NPAS3: variants seen among roughly 807,000 people sequenced by gnomAD.
NPAS3 encodes the protein neuronal PAS domain protein 3, also known as neuronal PAS domain-containing protein 3.
In NPAS3, 14 loss-of-function variants were observed where a neutral mutation model predicts 73.1. The ratio of observed to expected loss-of-function variants is 0.19; its 90% CI spans 0.13 to 0.30. NPAS3 has a LOEUF of 0.30. Ranked by LOEUF, NPAS3 falls within the 10% of genes least tolerant of loss-of-function variation. The pLI, the probability that NPAS3 is intolerant of heterozygous loss-of-function variation, is 1.00. For synonymous variants in NPAS3, 620 were observed against 541.5 expected (o/e 1.14, Z -2.01); for missense variants, 1,096 against 1,250.0 (o/e 0.88, Z 1.86).
At chr14:33,651,512 C>T (rs141168743) in intron 5 of NPAS3, among the ~76,000 whole-genome samples, 202 of 152,150 alleles carry the variant, frequency 1.3e-3, no homozygotes, top group African/African-American at 4.6e-3. Context: ...ACCATCTCAA[C>T]TGATATAAGA....
At chr14:33,124,105 C>T (rs765120450) in intron 2 of NPAS3, among the ~76,000 whole-genome samples, 4 of 151,974 alleles carry the variant, frequency 2.6e-5, no homozygotes, top group East Asian at 1.9e-4. Context: ...CCATCTGCCT[C>T]GGCCTACCAA....
At chr14:33,780,136 T>A (rs957656093) in intron 9 of NPAS3, among the ~76,000 whole-genome samples, 3 of 152,188 alleles carry the variant, frequency 2.0e-5, no homozygotes, top group African/African-American at 7.2e-5. Flanking sequence ...ATACCACGTC[T>A]CTGGAAAGAG....
In NPAS3 at chr14:33,171,284, G is replaced by C. The variant is rs528519758; in HGVS notation, c.141-43898G>C. Among the ~76,000 whole-genome samples, 4 of 152,310 alleles carry C rather than the reference G, an allele frequency of 2.6e-5. No individual in the cohort carries two copies. In the South Asian group the frequency reaches 8.3e-4, roughly 32 times the overall value. ...GGTGTAAACATTGTACCATCATCCA[G>C]CCTTCGTCGTTCCATTCCTTGAGCA... On this transcript the variant is annotated intron_variant, in intron 2 of 11. Coordinates refer to ENST00000356141, the Ensembl canonical transcript of NPAS3.
At chr14:33,011,782 C>A (rs1483025246) in intron 1 of NPAS3, among the ~76,000 whole-genome samples, 1 of 151,892 alleles carries the variant, frequency 6.6e-6, no homozygotes, top group Non-Finnish European at 1.5e-5. Flanking sequence ...CTTTTAGTGC[C>A]TTTTTCTCCA....
chr14:33,450,300 T>C (rs1422638566), intron 4 of NPAS3, among the ~76,000 whole-genome samples: 1 of 152,236 alleles, frequency 6.6e-6, no homozygotes, highest in African/African-American at 2.4e-5. Flanking sequence ...TGCTGATGCA[T>C]CTGCAGTCAT....
intron 7 of NPAS3, among the ~76,000 whole-genome samples, chr14:33,761,091 C>A (rs891799194): frequency 6.6e-6 from 1 of 152,200 alleles, no homozygotes; most frequent in Admixed American, 6.5e-5. Flanking sequence ...ACTTTATTTT[C>A]TCCTCCCATA....
intron 4 of NPAS3, among the ~76,000 whole-genome samples, chr14:33,509,137 AT>A (rs2052917946): frequency 6.6e-6 from 1 of 151,786 alleles, no homozygotes; most frequent in South Asian, 2.1e-4. Context: ...TATTATTAGC[AT>A]TATGATTTCT....
At chr14:32,991,392 A>G (rs2038328272) in intron 1 of NPAS3, among the ~76,000 whole-genome samples, 1 of 152,128 alleles carries the variant, frequency 6.6e-6, no homozygotes, top group African/African-American at 2.4e-5. Flanking sequence ...AAAACGCAGC[A>G]TTGATGTCTT....
At chr14:33,757,276 T>C (rs929078599) in intron 7 of NPAS3, among the ~76,000 whole-genome samples, 2 of 152,164 alleles carry the variant, frequency 1.3e-5, no homozygotes, top group African/African-American at 2.4e-5. Flanking sequence ...AATATCTACA[T>C]AGTGCTACAC....
intron 6 of NPAS3, among the ~76,000 whole-genome samples, chr14:33,697,482 G>A (rs757476599): frequency 5.9e-5 from 9 of 152,142 alleles, no homozygotes; most frequent in Non-Finnish European, 1.0e-4. Flanking sequence ...TATGAGGGCC[G>A]GGGAAAAGTT....
In NPAS3 at chr14:33,773,188, T is replaced by C. The variant is rs1224963730; in HGVS notation, c.853-1149T>C. On this transcript the variant is annotated intron_variant, in intron 7 of 11. Transcript: ENST00000356141. ...GGGAGGCACGAGACCTACTTCCCACTCCAGTTCCTTATAGCAAAGGAGGAA... is the reference window on the plus strand; with the variant it reads ...GGGAGGCACGAGACCTACTTCCCACCCCAGTTCCTTATAGCAAAGGAGGAA... Among the ~76,000 whole-genome samples the C allele has an allele frequency of 7.2e-5, 11 of 152,184 alleles. No individual in the cohort carries two copies. In the East Asian group the frequency reaches 1.9e-3, roughly 27 times the overall value.
chr14:33,535,059 A>G (rs2054202020), intron 4 of NPAS3, among the ~76,000 whole-genome samples: 1 of 152,248 alleles, frequency 6.6e-6, no homozygotes, highest in African/African-American at 2.4e-5. Context: ...ACTAAAAGTC[A>G]AAGCAAAATG....
intron 1 of NPAS3, among the ~76,000 whole-genome samples, chr14:33,048,222 G>A (rs1298162176): frequency 6.6e-6 from 1 of 152,108 alleles, no homozygotes; most frequent in Non-Finnish European, 1.5e-5. Context: ...AAGGTGGTCA[G>A]GTATTACAGA....
intron 6 of NPAS3, among the ~76,000 whole-genome samples, chr14:33,683,998 A>C (rs2060014612): frequency 6.6e-6 from 1 of 152,110 alleles, no homozygotes; most frequent in Non-Finnish European, 1.5e-5. Flanking sequence ...AAGTGATGGA[A>C]ATTCTAAGTG....
intron 2 of NPAS3, among the ~76,000 whole-genome samples, chr14:33,155,287 C>G (rs894266852): frequency 4.3e-4 from 65 of 152,314 alleles, no homozygotes; most frequent in Non-Finnish European, 8.2e-4. Flanking sequence ...TCAGACAACT[C>G]TCATGTATTC....
intron 1 of NPAS3, among the ~76,000 whole-genome samples, chr14:33,015,829 A>G (rs2039371177): frequency 1.3e-5 from 2 of 152,184 alleles, no homozygotes. Context: ...GTATTTTTAA[A>G]TGTTTCAACA....
At chr14:33,259,366 A>G (rs1454301202) in intron 3 of NPAS3, among the ~76,000 whole-genome samples, 3 of 152,182 alleles carry the variant, frequency 2.0e-5, no homozygotes, top group Non-Finnish European at 4.4e-5. Flanking sequence ...AGCTTATTAG[A>G]TGATTCACAA....
intron 2 of NPAS3, among the ~76,000 whole-genome samples, chr14:33,126,902 A>C (rs2043447140): frequency 6.6e-6 from 1 of 152,184 alleles, no homozygotes; most frequent in Non-Finnish European, 1.5e-5. Flanking sequence ...CTTGTTGATT[A>C]CAAAAATACA....
At chr14:33,248,977 G>A (rs1418578322) in intron 3 of NPAS3, among the ~76,000 whole-genome samples, 7 of 152,282 alleles carry the variant, frequency 4.6e-5, no homozygotes, top group Admixed American at 1.3e-4. Context: ...GTTGGGTTAT[G>A]TTTAGAATTG....
Sources: gnomAD v4.1 joint callset for allele counts (sites outside exome capture counted in the v4.1 genomes callset) on GRCh38, gnomAD v4.1.1 for gene constraint, MANE v1.5 for transcripts, NCBI Gene and HGNC (gene_info 2026-07-23, HGNC 2026-07-21) for gene names.